Variants in MYO5B observed in about 807,000 individuals in gnomAD.
MYO5B encodes the protein unconventional myosin-Vb.
Under a neutral mutation model 229.3 loss-of-function variants are expected in MYO5B, and 143 were observed. The ratio of observed to expected loss-of-function variants is 0.62; its 90% CI spans 0.54 to 0.72. The LOEUF (loss-of-function observed/expected upper bound fraction) is 0.72, where lower values mean the gene tolerates loss of function less well. Ranked by LOEUF, MYO5B falls within the 30% of genes least tolerant of loss-of-function variation. The pLI is 0.00. For synonymous variants in MYO5B, 918 were observed against 885.2 expected, an observed-to-expected ratio of 1.04 and a Z score of -0.66; for missense variants, 2,321 against 2,331.0, an observed-to-expected ratio of 1.00 and a Z score of 0.09.
chr18:50,177,426 T>C (rs746358437), intron 1 of MYO5B, among the ~76,000 whole-genome samples: 1 of 152,244 alleles, frequency 6.6e-6, no homozygotes, highest in African/African-American at 2.4e-5. Flanking sequence ...CTCCCGTCTT[T>C]GCCTTCTTCC....
At chr18:50,040,389 T>C in intron 2 of MYO5B, 75 bp from the exon 3 acceptor site, 3 of 1,362,728 alleles carry the variant, frequency 2.2e-6, no homozygotes, top group Non-Finnish European at 3.2e-6. Flanking sequence ...CCTGTCTTCT[T>C]AGCTGGAATC....
At chr18:50,002,944 C>G (rs1342488216) in intron 4 of MYO5B, among the ~76,000 whole-genome samples, 1 of 152,086 alleles carries the variant, frequency 6.6e-6, no homozygotes, top group Non-Finnish European at 1.5e-5. Flanking sequence ...TGCTAACTGT[C>G]AACATGAGTA....
intron 17 of MYO5B, among the ~76,000 whole-genome samples, chr18:49,915,172 C>T (rs184065243): frequency 2.1e-3 from 318 of 152,078 alleles, no homozygotes; most frequent in Admixed American, 5.4e-3. Context: ...GGCTCCTTAC[C>T]GTTATAAAAT....
chr18:49,829,515 T>C (rs550275081), intron 39 of MYO5B, among the ~76,000 whole-genome samples: 49 of 152,322 alleles, frequency 3.2e-4, no homozygotes, highest in Non-Finnish European at 5.3e-4. Context: ...TGGTGAAGAC[T>C]ATCAAACATT....
intron 7 of MYO5B, among the ~76,000 whole-genome samples, chr18:49,986,102 C>T (rs761511152): frequency 6.6e-6 from 1 of 152,232 alleles, no homozygotes; most frequent in Non-Finnish European, 1.5e-5. Context: ...TACCCTAGAA[C>T]AGCCCCTGGC....
chr18:49,969,259 T>A (rs1377096333), intron 10 of MYO5B, among the ~76,000 whole-genome samples: 1 of 152,174 alleles, frequency 6.6e-6, no homozygotes, highest in Non-Finnish European at 1.5e-5. Flanking sequence ...AAGAGATGGG[T>A]AGCCTCCAAA....
chr18:50,145,497 C>CAAAAAAAAAAAAAAAAAAAAAAAAAA (rs369507800), intron 1 of MYO5B, among the ~76,000 whole-genome samples: 1 of 69,986 alleles, frequency 1.4e-5, no homozygotes, highest in African/African-American at 5.8e-5. Flanking sequence ...GACTCCATCT[C>CAAAAAAAAAAAAAAAAAAAAAAAAAA]AAAAAAAAAA....
chr18:50,035,839 T>C (rs1311473449), intron 4 of MYO5B, among the ~76,000 whole-genome samples: 1 of 152,220 alleles, frequency 6.6e-6, no homozygotes, highest in African/African-American at 2.4e-5. Context: ...TTTGAATATA[T>C]CACTGAGTAT....
chr18:50,030,876 G>GAAAA (rs869189090), intron 4 of MYO5B, among the ~76,000 whole-genome samples: 17 of 30,498 alleles, frequency 5.6e-4, no homozygotes, highest in Admixed American at 1.1e-3. Flanking sequence ...CTCCCTTTCA[G>GAAAA]AAAAAAAAAA....
chr18:49,904,713 C>A lies in MYO5B; in HGVS notation c.2530G>T (p.Ala844Ser). The change falls in exon 20 of 40, where the codon GCC (alanine) becomes TCC (serine). Residue 844 changes from alanine (A) to serine (S), a missense_variant. This residue lies in a region of MYO5B where 2,113 missense variants were observed against 2,044.7 expected (regional missense o/e 1.03). Transcript: ENST00000285039. ...RVRRAAVVIQ[A>S]FTRAMFVRRT... is the part of the protein sequence containing the mutation. ...CGCACAAACATGGCCCGGGTGAAGG[C>A]CTGGATAACAACGGCAGCTCTGCGG... The A allele has an allele frequency of 6.2e-7, 1 of 1,614,112 alleles. No individual in the cohort carries two copies. The highest frequency in any genetic ancestry group is 8.5e-7 in the Non-Finnish European group (1 of 1,180,058).
At chr18:49,843,129 TGGAGCCCTA>T in intron 34 of MYO5B, 103 bp downstream of exon 34, 1 of 1,375,276 alleles carries the variant, frequency 7.3e-7, no homozygotes, top group Non-Finnish European at 1.0e-6. Flanking sequence ...CCTTCAAAGT[TGGAGCCCTA>T]GGAGCATTCA....
chr18:50,001,044 T>G (rs975362996), intron 5 of MYO5B, among the ~76,000 whole-genome samples: 1 of 151,550 alleles, frequency 6.6e-6, no homozygotes, highest in African/African-American at 2.4e-5. Flanking sequence ...ATGGAGAATA[T>G]GAGGACACTC....
At chr18:49,999,631 G>A (rs993810941) in intron 5 of MYO5B, among the ~76,000 whole-genome samples, 3 of 152,252 alleles carry the variant, frequency 2.0e-5, no homozygotes, top group South Asian at 2.1e-4. Context: ...TCAGCAGGCT[G>A]TAGTATTAAA....
chr18:49,849,184 T>G (rs1321680731), intron 32 of MYO5B, among the ~76,000 whole-genome samples: 1 of 152,084 alleles, frequency 6.6e-6, no homozygotes, highest in Admixed American at 6.5e-5. Flanking sequence ...TGACACTCAA[T>G]AGCATGGAGT....
At chr18:49,841,477 T>G (rs1356399147) in intron 34 of MYO5B, 23 bp from the exon 35 acceptor site, 1 of 1,605,844 alleles carries the variant, frequency 6.2e-7, no homozygotes. Flanking sequence ...AAGGACATCC[T>G]CAGCTCTAAG....
At chr18:49,997,863 C>T (rs574040741) in intron 5 of MYO5B, among the ~76,000 whole-genome samples, 3 of 152,232 alleles carry the variant, frequency 2.0e-5, no homozygotes, top group East Asian at 1.9e-4. Flanking sequence ...GAGACAACGC[C>T]GTGACCATAA....
rs770235296 is a variant in MYO5B, at chr18:49,992,271, C to G, written c.756+17G>C. ...TCCATGAGAAATACACAAAAGGGCG[C>G]AAATCCTCCCACTCACCTGGAAGAC... On this transcript the variant is annotated intron_variant, in intron 6 of 39. Transcript: ENST00000285039. The G allele has an allele frequency of 6.8e-6, 11 of 1,613,994 alleles. No individual in the cohort carries two copies. The highest frequency in any genetic ancestry group is 2.7e-5 in the African/African-American group (2 of 74,892).
chr18:50,153,647 G>A (rs577108723), intron 1 of MYO5B, among the ~76,000 whole-genome samples: 4 of 152,178 alleles, frequency 2.6e-5, no homozygotes, highest in South Asian at 2.1e-4. Context: ...ACAGGGTTTC[G>A]CCATGTTGGC....
At chr18:50,122,462 T>A (rs1457114948) in intron 1 of MYO5B, among the ~76,000 whole-genome samples, 121 of 20,332 alleles carry the variant, frequency 6.0e-3, no homozygotes, top group Admixed American at 9.9e-3. Context: ...AAAAAAAAAA[T>A]CAGCCAGGTG....
Sources: allele counts gnomAD v4.1 joint callset (sites outside exome capture counted in the v4.1 genomes callset), GRCh38; gene constraint gnomAD v4.1.1; regional missense constraint gnomAD v4.1.1; transcripts MANE v1.5; gene names NCBI Gene and HGNC (gene_info 2026-07-23, HGNC 2026-07-21).